YEATS2: variants seen among roughly 807,000 people sequenced by gnomAD.
YEATS2 encodes YEATS domain-containing protein 2.
YEATS2 carries 77 observed loss-of-function variants against 163.2 expected under a neutral mutation model. The observed-to-expected ratio is 0.47, with a 90% CI of 0.39 to 0.57. The LOEUF is 0.57. Ranked by LOEUF, YEATS2 falls within the 20% of genes least tolerant of loss-of-function variation. The probability of loss-of-function intolerance (pLI) is 0.00; values close to 1 mark genes in which losing one functional copy is unlikely to be tolerated. For missense variants in YEATS2, 1,549 were observed against 1,729.8 expected (o/e 0.90, Z 1.85); for synonymous variants, 631 against 645.1 (o/e 0.98, Z 0.33).
In YEATS2 at chr3:183,807,153, G is replaced by A. The variant is rs997553505; in HGVS notation, c.4011+61G>A. On this transcript the variant is annotated intron_variant, in intron 28 of 30. Transcript: ENST00000305135. ...CCAGCTCAGAGCTAGATGTTCAGACGTTCAGCTTCACAGACCCAGACCCAG... is the reference window on the plus strand; with the variant it reads ...CCAGCTCAGAGCTAGATGTTCAGACATTCAGCTTCACAGACCCAGACCCAG... The A allele has an allele frequency of 2.0e-5, 29 of 1,484,478 alleles. No individual in the cohort carries two copies. The East Asian group carries it at 4.5e-4, about 23-fold the overall frequency. 92.0% of individuals were successfully genotyped at this position (1,484,478 alleles called of 1,614,324 possible). A position where few individuals can be genotyped will look rare whatever the true frequency, so the allele number is the denominator to read the frequency against.
chr3:183,697,840 G>A lies in YEATS2; in HGVS notation c.-173G>A, dbSNP rs1405548884. 6.6e-6 allele frequency: 1 copy of A among 150,582 alleles called. No homozygotes were observed. Among genetic ancestry groups the A allele is most frequent in the East Asian group, 1.9e-4 (1 of 5,152 alleles). 9.3% of individuals were successfully genotyped at this position (150,582 alleles called of 1,614,324 possible). A position where few individuals can be genotyped will look rare whatever the true frequency, so the allele number is the denominator to read the frequency against. Reference sequence around the variant, plus strand: ...CGTGCGGGGCGGAACGCGCCGGGCGGGCTCCACCGCGCCGTGTGCTTCCGC... The same window carrying A: ...CGTGCGGGGCGGAACGCGCCGGGCGAGCTCCACCGCGCCGTGTGCTTCCGC... On this transcript the variant is annotated 5_prime_UTR_variant, in exon 1 of 31. Coordinates refer to ENST00000305135, the MANE Select transcript of YEATS2 (RefSeq NM_018023.5).
At chr3:183,759,197 T>C (rs1000208775) in intron 13 of YEATS2, among the ~76,000 whole-genome samples, 2 of 152,178 alleles carry the variant, frequency 1.3e-5, no homozygotes, top group Non-Finnish European at 2.9e-5. Context: ...AGCAAGAATG[T>C]GTCAGTTGAT....
intron 7 of YEATS2, among the ~76,000 whole-genome samples, chr3:183,735,095 G>A (rs1484823866): frequency 1.3e-5 from 2 of 152,148 alleles, no homozygotes; most frequent in Non-Finnish European, 2.9e-5. Flanking sequence ...TTCTCTGGCA[G>A]CAGTCTTTCC....
chr3:183,741,366 C>T (rs953489153), intron 8 of YEATS2, among the ~76,000 whole-genome samples: 3 of 152,152 alleles, frequency 2.0e-5, no homozygotes, highest in Non-Finnish European at 2.9e-5. Context: ...TGGGTGACAA[C>T]ACATCTGTTT....
intron 9 of YEATS2, among the ~76,000 whole-genome samples, 168 bp from the exon 10 acceptor site, chr3:183,751,905 T>C (rs1720202671): frequency 6.6e-6 from 1 of 152,232 alleles, no homozygotes; most frequent in Non-Finnish European, 1.5e-5. Context: ...TAAGCCAGAT[T>C]AGATTACCTT....
At chr3:183,801,665 A>G in intron 25 of YEATS2, 137 bp downstream of exon 25, 1 of 595,490 alleles carries the variant, frequency 1.7e-6, no homozygotes, top group Non-Finnish European at 2.8e-6. Flanking sequence ...CTAGAGATAC[A>G]GCCCATTTGC....
chr3:183,697,801 C>A lies in YEATS2; in HGVS notation c.-212C>A, dbSNP rs1347271129. 6.7e-6 allele frequency: 1 copy of A among 149,502 alleles called. No homozygotes were observed. Among genetic ancestry groups the A allele is most frequent in the Non-Finnish European group, 1.5e-5 (1 of 67,120 alleles). 9.3% of individuals were successfully genotyped at this position (149,502 alleles called of 1,614,324 possible). On this transcript the variant is annotated 5_prime_UTR_variant, in exon 1 of 31. Transcript: ENST00000305135. ...GCGCGCCGCCGCGCGCGCCCCGACGCGCCCAGCTGCTGACGTGCGGGGCGG... is the reference window on the plus strand; with the variant it reads ...GCGCGCCGCCGCGCGCGCCCCGACGAGCCCAGCTGCTGACGTGCGGGGCGG...
chr3:183,788,007 A>AT (rs985359136), intron 20 of YEATS2, among the ~76,000 whole-genome samples: 2 of 152,246 alleles, frequency 1.3e-5, no homozygotes, highest in African/African-American at 4.8e-5. Flanking sequence ...CATCTCAAAA[A>AT]ATATATATAA....
intron 15 of YEATS2, among the ~76,000 whole-genome samples, chr3:183,767,386 AT>A (rs57176132): frequency 1.4e-4 from 20 of 146,474 alleles, no homozygotes; most frequent in East Asian, 6.0e-4. Context: ...CGCCCAGCTA[AT>A]TTTTTTTTTT....
At chr3:183,810,085 G>A (rs897706097) in intron 30 of YEATS2, 4 of 199,954 alleles carry the variant, frequency 2.0e-5, no homozygotes, top group Non-Finnish European at 3.1e-5. Flanking sequence ...TTAACATCAC[G>A]CCTGGCCTGG....
intron 7 of YEATS2, among the ~76,000 whole-genome samples, chr3:183,731,852 G>A (rs989157317): frequency 2.6e-5 from 4 of 152,188 alleles, no homozygotes; most frequent in African/African-American, 7.2e-5. Context: ...GCTGTGCCAC[G>A]CCTGAGCAGT....
At chr3:183,704,828 C>T (rs1427237718) in intron 1 of YEATS2, among the ~76,000 whole-genome samples, 4 of 151,886 alleles carry the variant, frequency 2.6e-5, no homozygotes, top group African/African-American at 9.7e-5. Context: ...GGGGTTTTAC[C>T]ACATTGGCCA....
At position 183,790,842 on chromosome 3, in the gene YEATS2, A is replaced by G. The variant is rs1251886275; in HGVS notation, c.2959A>G (p.Thr987Ala). 6.2e-7 allele frequency: 1 copy of G among 1,614,144 alleles called. No homozygotes were observed. Among genetic ancestry groups the G allele is most frequent in the Non-Finnish European group, 8.5e-7 (1 of 1,180,022 alleles). Residue 987 changes from threonine (T) to alanine (A), a missense_variant, in exon 21 of 31, where the codon ACG (threonine) becomes GCG (alanine). Coordinates refer to ENST00000305135, the MANE Select transcript of YEATS2 (RefSeq NM_018023.5). ...PVSSSTVSSV[T>A]KTSGQQQVCV... ...GTCTTCATCTACGGTCAGTTCTGTA[A>G]CGAAAACTTCTGGGCAGCAGCAAGT...
intron 1 of YEATS2, among the ~76,000 whole-genome samples, chr3:183,703,458 G>T (rs891266429): frequency 6.6e-6 from 1 of 152,070 alleles, no homozygotes; most frequent in Non-Finnish European, 1.5e-5. Flanking sequence ...ATAGAGGTTG[G>T]TGCAAAAGTA....
rs562807575 is a variant in YEATS2, at chr3:183,744,102, CTTTTTTTTTTTTTTT to C, written c.925-3556_925-3542del. Among the ~76,000 whole-genome samples, 4 of 56,002 alleles carry C rather than the reference CTTTTTTTTTTTTTTT, an allele frequency of 7.1e-5. No individual in the cohort carries two copies. The East Asian group carries it at 2.1e-3, about 30-fold the overall frequency. 36.7% of individuals were successfully genotyped at this position (56,002 alleles called of 152,430 possible). On this transcript the variant is annotated intron_variant, in intron 8 of 30. Coordinates refer to ENST00000305135, the MANE Select transcript of YEATS2 (RefSeq NM_018023.5). ...CTTAGAGGAAAGTCTTTTAGTTTTGCTTTTTTTTTTTTTTTTTTTTTTTTTTTTGAGACAGAATCT... is the reference window on the plus strand; with the variant it reads ...CTTAGAGGAAAGTCTTTTAGTTTTGCTTTTTTTTTTTTTGAGACAGAATCT...
chr3:183,801,598 A>T lies in YEATS2; in HGVS notation c.3502+70A>T, dbSNP rs1324514196. On this transcript the variant is annotated intron_variant, in intron 25 of 30. Coordinates refer to ENST00000305135, the MANE Select transcript of YEATS2 (RefSeq NM_018023.5). ...TGAACTTAAGGTATTGAGTCAACTG[A>T]AATCACTTGGGATTGTAAATTAATA... The T allele has an allele frequency of 2.5e-6, 3 of 1,220,800 alleles. No individual in the cohort carries two copies. In the Admixed American group the frequency reaches 6.8e-5, roughly 28 times the overall value. The allele number at this position is 1,220,800 out of a possible 1,614,324, so 75.6% of individuals were successfully genotyped here. A position where few individuals can be genotyped will look rare whatever the true frequency, so the allele number is the denominator to read the frequency against.
intron 10 of YEATS2, among the ~76,000 whole-genome samples, chr3:183,752,958 C>T (rs555583937): frequency 3.3e-5 from 5 of 151,672 alleles, no homozygotes; most frequent in Admixed American, 1.3e-4. Flanking sequence ...CCACCGCTCT[C>T]GGCTAATTTT....
intron 7 of YEATS2, 55 bp downstream of exon 7, chr3:183,728,906 T>G: frequency 6.6e-7 from 1 of 1,508,924 alleles, no homozygotes; most frequent in Non-Finnish European, 9.0e-7. Flanking sequence ...ATTTTTGAAG[T>G]GGAAGAAAAG....
At chr3:183,747,006 T>G (rs1719620305) in intron 8 of YEATS2, among the ~76,000 whole-genome samples, 1 of 152,178 alleles carries the variant, frequency 6.6e-6, no homozygotes, top group East Asian at 1.9e-4. Flanking sequence ...GAATATAAAT[T>G]TACAAATAAG....
Sources: gnomAD v4.1 joint callset for allele counts (sites outside exome capture counted in the v4.1 genomes callset) on GRCh38, gnomAD v4.1.1 for gene constraint, MANE v1.5 for transcripts, NCBI Gene and HGNC (gene_info 2026-07-23, HGNC 2026-07-21) for gene names.